WASF3: variants seen among roughly 807,000 people sequenced by gnomAD.
WASF3 encodes the protein WASP family member 3.
WASF3 carries 11 observed loss-of-function variants against 46.6 expected under a neutral mutation model. The observed-to-expected ratio is 0.24, with a 90% CI of 0.15 to 0.39. The LOEUF is 0.39. WASF3 is among the 10% of genes least tolerant of loss of function. WASF3 has a pLI of 1.00. For synonymous variants in WASF3, 242 were observed against 259.7 expected, an observed-to-expected ratio of 0.93 and a Z score of 0.65; for missense variants, 576 against 669.8, an observed-to-expected ratio of 0.86 and a Z score of 1.55.
chr13:26,546,980 C>G, the WASF3 span, among the ~76,000 whole-genome samples: 11 of 152,148 alleles, frequency 7.2e-5, no homozygotes, highest in Non-Finnish European at 7.4e-5. Context: ...ATGTCTGAAG[C>G]CTCCTATCTG....
intron 2 of WASF3, among the ~76,000 whole-genome samples, chr13:26,621,417 A>ATTC (rs1943669925): frequency 6.6e-6 from 1 of 152,264 alleles, no homozygotes; most frequent in East Asian, 1.9e-4. Flanking sequence ...GCTGGAGGGA[A>ATTC]CCCAAGAGAG....
intron 3 of WASF3, among the ~76,000 whole-genome samples, chr13:26,651,620 A>C (rs1258776727): frequency 6.6e-6 from 1 of 152,236 alleles, no homozygotes; most frequent in Non-Finnish European, 1.5e-5. Flanking sequence ...TACTACAAAA[A>C]ATTCTTAACG....
chr13:26,665,647 A>G (rs1444468153), intron 4 of WASF3, among the ~76,000 whole-genome samples: 1 of 152,190 alleles, frequency 6.6e-6, no homozygotes, highest in African/African-American at 2.4e-5. Context: ...AATAGCATTT[A>G]CCGAAAGCCT....
the WASF3 span, among the ~76,000 whole-genome samples, chr13:26,547,538 G>A: frequency 6.6e-6 from 1 of 152,174 alleles, no homozygotes; most frequent in East Asian, 1.9e-4. Context: ...ACTCTGTCTA[G>A]AGTTGGCTCT....
At chr13:26,636,845 A>G (rs1881839907) in intron 2 of WASF3, among the ~76,000 whole-genome samples, 2 of 152,068 alleles carry the variant, frequency 1.3e-5, no homozygotes, top group African/African-American at 2.4e-5. Flanking sequence ...CCAGAACCCA[A>G]CCTAATCAGC....
chr13:26,667,768 G>GTCCTT (rs1882816215), intron 5 of WASF3, 98 bp downstream of exon 5: 2 of 1,170,820 alleles, frequency 1.7e-6, no homozygotes, highest in Non-Finnish European at 2.4e-6. Context: ...TGTCCTTGAT[G>GTCCTT]GTTCATCTGG....
At chr13:26,541,867 G>A in the WASF3 span, among the ~76,000 whole-genome samples, 15 of 152,162 alleles carry the variant, frequency 9.9e-5, no homozygotes, top group Non-Finnish European at 2.2e-4. Context: ...AACCAGGAGA[G>A]GTCTCACTTT....
chr13:26,676,782 G>T, intron 7 of WASF3, 58 bp downstream of exon 7: 3 of 1,498,814 alleles, frequency 2.0e-6, no homozygotes, highest in Non-Finnish European at 2.7e-6. Context: ...GTACTACCTG[G>T]TTTTATTATC....
chr13:26,675,863 C>A (rs1410878658), intron 6 of WASF3, among the ~76,000 whole-genome samples: 2 of 152,090 alleles, frequency 1.3e-5, no homozygotes, highest in Non-Finnish European at 2.9e-5. Context: ...TGATTCTCAT[C>A]CTTAAAGATC....
chr13:26,666,725 C>T (rs1258470541), intron 4 of WASF3, among the ~76,000 whole-genome samples: 4 of 152,006 alleles, frequency 2.6e-5, no homozygotes, highest in Non-Finnish European at 4.4e-5. Flanking sequence ...TGGTGAAACC[C>T]GGTCTCTACT....
intron 1 of WASF3, among the ~76,000 whole-genome samples, chr13:26,609,062 T>C (rs927322801): frequency 2.0e-5 from 3 of 152,204 alleles, no homozygotes; most frequent in African/African-American, 2.4e-5. Context: ...TTACAAGAGA[T>C]GTCAGGGACC....
At chr13:26,556,327 T>C (rs1879097785), upstream of WASF3, among the ~76,000 whole-genome samples, 1 of 152,188 alleles carries the variant, frequency 6.6e-6, no homozygotes, top group African/African-American at 2.4e-5. Flanking sequence ...GACCTAAACA[T>C]AGACATGGAA....
rs570473843 is a variant in WASF3 at position 26,651,131 on chromosome 13, C to T, written c.133+8728C>T. On this transcript the variant is annotated intron_variant, in intron 3 of 9. Coordinates refer to ENST00000335327, the MANE Select transcript of WASF3 (RefSeq NM_006646.6). The stretch of plus-strand genomic sequence containing the variant: ...GAGGCCAGGAGTTCGAGAGCAGCCT[C>T]GCCAACATGATGAAACCCCAACTCT... Among the ~76,000 whole-genome samples the T allele has an allele frequency of 4.6e-5, 7 of 152,084 alleles. No individual in the cohort carries two copies. In the South Asian group the frequency reaches 8.3e-4, roughly 18 times the overall value.
intron 1 of WASF3, among the ~76,000 whole-genome samples, chr13:26,579,249 G>T (rs887023453): frequency 5.3e-5 from 8 of 151,654 alleles, no homozygotes; most frequent in African/African-American, 1.5e-4. Flanking sequence ...TGGTCCTCTT[G>T]CCTTAAGGAG....
rs185135375 is a variant in WASF3 at position 26,665,256 on chromosome 13, G to C, written c.268+94G>C. On this transcript the variant is annotated intron_variant, in intron 4 of 9. Transcript: ENST00000335327. ...TAATTACTGCTTTTTCCTTGGGATG[G>C]CATGCTGATATTTCATCTTGTCTTT... The C allele has an allele frequency of 1.4e-4, 202 of 1,422,350 alleles. No homozygotes were observed. In the African/African-American group the frequency reaches 2.1e-3, roughly 15 times the overall value. 88.1% of individuals were successfully genotyped at this position (1,422,350 alleles called of 1,614,324 possible). A position where few individuals can be genotyped will look rare whatever the true frequency, so the allele number is the denominator to read the frequency against.
At chr13:26,580,331 T>TA (rs1219177423) in intron 1 of WASF3, among the ~76,000 whole-genome samples, 1 of 152,170 alleles carries the variant, frequency 6.6e-6, no homozygotes, top group African/African-American at 2.4e-5. Flanking sequence ...AGAAGTGCTG[T>TA]AGGATAATAT....
chr13:26,573,011 T>G (rs1053989536), intron 1 of WASF3, among the ~76,000 whole-genome samples: 19 of 152,234 alleles, frequency 1.2e-4, no homozygotes, highest in African/African-American at 4.6e-4. Context: ...AAAAAGGATT[T>G]GGCAATATTT....
At chr13:26,563,146 C>T (rs1386751935) in intron 1 of WASF3, among the ~76,000 whole-genome samples, 1 of 151,696 alleles carries the variant, frequency 6.6e-6, no homozygotes, top group Non-Finnish European at 1.5e-5. Flanking sequence ...AGAATACTCT[C>T]TCCTGTCAGT....
intron 2 of WASF3, among the ~76,000 whole-genome samples, chr13:26,623,515 CA>C (rs765961050): frequency 2.6e-5 from 4 of 152,206 alleles, no homozygotes; most frequent in Non-Finnish European, 5.9e-5. Flanking sequence ...ATAGCAAAAG[CA>C]GGACAGACTC....
Sources: allele counts gnomAD v4.1 joint callset (sites outside exome capture counted in the v4.1 genomes callset), GRCh38; gene constraint gnomAD v4.1.1; transcripts MANE v1.5; gene names NCBI Gene and HGNC (gene_info 2026-07-23, HGNC 2026-07-21).